Variants in DAB1 observed in about 807,000 individuals in gnomAD.
The protein encoded by DAB1 is disabled homolog 1.
Under a neutral mutation model 64.6 loss-of-function variants are expected in DAB1, and 15 were observed. The ratio of observed to expected loss-of-function variants is 0.23; its 90% CI spans 0.16 to 0.36. DAB1 has a LOEUF of 0.36. DAB1 is among the 10% of genes least tolerant of loss of function. The pLI is 1.00. For synonymous variants in DAB1, 235 were observed against 251.9 expected (o/e 0.93, Z 0.64); for missense variants, 596 against 706.7 (o/e 0.84, Z 1.78).
In DAB1 at chr1:58,313,881, T is replaced by G. The variant is rs988556244; in HGVS notation, n.309+29471A>C. ...TGAGAGAGAGAGAGAGAGAGAGAGA[T>G]AAAGGCACTAATGACCTACTCACCT... On this transcript the variant is annotated intron_variant and non_coding_transcript_variant, in intron 4 of 20. Transcript: ENST00000485760. Among the ~76,000 whole-genome samples the G allele has an allele frequency of 9.4e-4, 116 of 123,136 alleles. 1 individual carries two copies. Among genetic ancestry groups the G allele is most frequent in the Admixed American group, 7.9e-3 (99 of 12,536 alleles). 80.8% of individuals were successfully genotyped at this position (123,136 alleles called of 152,430 possible).
At chr1:57,640,139 A>G (rs17116148) in intron 7 of DAB1, among the ~76,000 whole-genome samples, 3,249 of 152,188 alleles carry the variant, frequency 0.021, 114 homozygotes, top group African/African-American at 0.074. Context: ...TCTCTGTGTC[A>G]TTTGCTATGT....
At chr1:57,370,070 C>T (rs764736355) in intron 1 of DAB1, among the ~76,000 whole-genome samples, 31 of 152,154 alleles carry the variant, frequency 2.0e-4, no homozygotes, top group Non-Finnish European at 4.4e-4. Context: ...GTAACAGGAA[C>T]CTTCACTGAC....
At chr1:58,296,918 T>C (rs1357551364) in intron 4 of DAB1, among the ~76,000 whole-genome samples, 1 of 152,200 alleles carries the variant, frequency 6.6e-6, no homozygotes, top group African/African-American at 2.4e-5. Flanking sequence ...CAGAGAAGCA[T>C]ATTAATTAAT....
intron 7 of DAB1, among the ~76,000 whole-genome samples, chr1:57,531,006 TGA>T (rs1452279734): frequency 2.0e-5 from 3 of 152,164 alleles, no homozygotes; most frequent in African/African-American, 7.2e-5. Flanking sequence ...AGTGAGGTGA[TGA>T]GAGACTTACT....
intron 9 of DAB1, among the ~76,000 whole-genome samples, chr1:57,039,342 A>G (rs939137463): frequency 2.0e-5 from 3 of 152,212 alleles, no homozygotes; most frequent in Non-Finnish European, 4.4e-5. Context: ...TGAAATTTAC[A>G]GAAAGGGAAG....
intron 5 of DAB1, among the ~76,000 whole-genome samples, chr1:57,981,944 ACT>A (rs1377149507): frequency 6.6e-6 from 1 of 152,132 alleles, no homozygotes; most frequent in Non-Finnish European, 1.5e-5. Flanking sequence ...AAAATAAGTG[ACT>A]CTGAAAGCCC....
chr1:58,228,262 G>A (rs1557704752), intron 4 of DAB1, among the ~76,000 whole-genome samples: 1 of 152,156 alleles, frequency 6.6e-6, no homozygotes, highest in South Asian at 2.1e-4. Context: ...TTTTAAAACC[G>A]AATGCTGATA....
intron 5 of DAB1, among the ~76,000 whole-genome samples, chr1:57,929,001 TA>T (rs1456202086): frequency 1.3e-5 from 2 of 152,164 alleles, no homozygotes; most frequent in Admixed American, 1.3e-4. Flanking sequence ...TTTAGTTTTG[TA>T]AAAAAACTGC....
At chr1:58,454,056 C>T (rs1219252297) in intron 3 of DAB1, among the ~76,000 whole-genome samples, 1 of 152,112 alleles carries the variant, frequency 6.6e-6, no homozygotes, top group East Asian at 1.9e-4. Context: ...TTTTCGATAC[C>T]AAATCTTGGA....
Position 57,355,873 on chromosome 1 carries a change from A to AACACAC in DAB1, c.-136-64713_-136-64708dup, listed in dbSNP as rs10529674. 7.5e-3 allele frequency among the ~76,000 whole-genome samples: 1,104 copies of AACACAC among 146,306 alleles called. 16 individuals carry two copies. The highest frequency in any genetic ancestry group is 0.039 in the Middle Eastern group (11 of 282). On this transcript the variant is annotated intron_variant, in intron 1 of 14. Coordinates refer to ENST00000371236, the MANE Select transcript of DAB1 (RefSeq NM_001365792.1). ...CTAGCTTTTTTGTTAAACCTCAATAAACACACACACACACACACACACACA... is the reference window on the plus strand; with the variant it reads ...CTAGCTTTTTTGTTAAACCTCAATAAACACACACACACACACACACACACACACACA...
rs957950851 is a variant in DAB1, at chr1:57,429,405, C to A, written n.626-138239G>T. Among the ~76,000 whole-genome samples, 4 of 152,276 alleles carry A rather than the reference C, an allele frequency of 2.6e-5. No individual in the cohort carries two copies. The East Asian group carries it at 7.7e-4, about 29-fold the overall frequency. ...TTGAGTATTAACCCCTTATCAGATA[C>A]ATGGCTTGCAAATATTTTCTCCCAT... On this transcript the variant is annotated intron_variant and non_coding_transcript_variant, in intron 7 of 20. Coordinates refer to the DAB1 transcript ENST00000485760.
chr1:58,373,649 G>A (rs1444933342), intron 3 of DAB1, among the ~76,000 whole-genome samples: 2 of 152,228 alleles, frequency 1.3e-5, no homozygotes, highest in Non-Finnish European at 2.9e-5. Flanking sequence ...TTATAGCCAC[G>A]TGTCTTTATA....
intron 4 of DAB1, among the ~76,000 whole-genome samples, chr1:58,331,159 A>G (rs894751762): frequency 6.6e-6 from 1 of 152,164 alleles, no homozygotes; most frequent in African/African-American, 2.4e-5. Context: ...GTTGATTCCA[A>G]CCCTTATGGA....
At chr1:58,123,858 C>A (rs1652896951) in intron 5 of DAB1, among the ~76,000 whole-genome samples, 1 of 152,148 alleles carries the variant, frequency 6.6e-6, no homozygotes, top group Non-Finnish European at 1.5e-5. Context: ...AAGACTCAGG[C>A]TTTGCAGTTA....
At chr1:58,093,710 A>G (rs1650818356) in intron 5 of DAB1, among the ~76,000 whole-genome samples, 1 of 151,950 alleles carries the variant, frequency 6.6e-6, no homozygotes, top group Non-Finnish European at 1.5e-5. Flanking sequence ...AAAAAAAAAA[A>G]AGAAAACTGG....
intron 3 of DAB1, among the ~76,000 whole-genome samples, chr1:57,144,553 G>T (rs995775427): frequency 2.0e-5 from 3 of 151,956 alleles, no homozygotes; most frequent in Non-Finnish European, 4.4e-5. Context: ...AATTAGCCAG[G>T]CCTGGTAGTG....
chr1:58,462,113 C>CTTTT (rs1168740907), intron 3 of DAB1, among the ~76,000 whole-genome samples: 36 of 54,254 alleles, frequency 6.6e-4, no homozygotes, highest in Admixed American at 9.6e-4. Context: ...GAGAAGGTTT[C>CTTTT]TTTTTTTTTT....
intron 1 of DAB1, among the ~76,000 whole-genome samples, chr1:57,391,213 G>C (rs1682325643): frequency 6.6e-6 from 1 of 152,074 alleles, no homozygotes; most frequent in South Asian, 2.1e-4. Flanking sequence ...AGTATGCTTG[G>C]TGCTCAGATA....
At chr1:58,517,746 A>G (rs1292212189) in intron 2 of DAB1, among the ~76,000 whole-genome samples, 1 of 152,166 alleles carries the variant, frequency 6.6e-6, no homozygotes, top group Non-Finnish European at 1.5e-5. Context: ...ATCAGAGAAG[A>G]GCTAGCACCT....
Sources: gnomAD v4.1 joint callset for allele counts (sites outside exome capture counted in the v4.1 genomes callset) on GRCh38, gnomAD v4.1.1 for gene constraint, MANE v1.5 for transcripts, NCBI Gene and HGNC (gene_info 2026-07-23, HGNC 2026-07-21) for gene names.